SPATA31H1: variants seen among roughly 807,000 people sequenced by gnomAD.
SPATA31H1 encodes SPATA31 subfamily H member 1.
the SPATA31H1 span, chr2:27,574,587 A>G: frequency 2.5e-6 from 1 of 398,482 alleles, no homozygotes; most frequent in Non-Finnish European, 4.4e-6. Flanking sequence ...AAGGCTTCAA[A>G]GTATGAAATC....
the SPATA31H1 span, among the ~76,000 whole-genome samples, chr2:27,556,548 G>A: frequency 6.6e-6 from 1 of 151,046 alleles, no homozygotes; most frequent in Admixed American, 6.6e-5. Context: ...CTTCAGTTGT[G>A]TCTAATCTGT....
At chr2:27,561,434 C>G in the SPATA31H1 span, among the ~76,000 whole-genome samples, 3 of 152,172 alleles carry the variant, frequency 2.0e-5, no homozygotes, top group Non-Finnish European at 4.4e-5. Context: ...AGTGAATTAA[C>G]ATATCCATCA....
the SPATA31H1 span, among the ~76,000 whole-genome samples, chr2:27,539,270 G>T: frequency 2.0e-5 from 3 of 150,378 alleles, no homozygotes; most frequent in Admixed American, 6.6e-5. Flanking sequence ...CCGGCCTTCC[G>T]CAGTGTTTGT....
the SPATA31H1 span, chr2:27,581,116 G>C: frequency 6.2e-7 from 1 of 1,614,118 alleles, no homozygotes; most frequent in Admixed American, 1.7e-5. Context: ...GCCCGAGGAA[G>C]AATCCTACCT....
the SPATA31H1 span, chr2:27,577,905 G>C: frequency 1.2e-6 from 2 of 1,614,006 alleles, no homozygotes; most frequent in African/African-American, 2.7e-5. The surrounding 1 kb of genome is among the most constrained non-coding windows in gnomAD (Gnocchi z 4.5). Flanking sequence ...GCAGCACAGG[G>C]AGGTATCAAT....
the SPATA31H1 span, among the ~76,000 whole-genome samples, chr2:27,549,853 C>G: frequency 6.6e-6 from 1 of 151,814 alleles, no homozygotes; most frequent in South Asian, 2.1e-4. Context: ...GATGGGGTCT[C>G]ACTATATTGC....
chr2:27,562,770 C>T, the SPATA31H1 span, among the ~76,000 whole-genome samples: 1 of 151,040 alleles, frequency 6.6e-6, no homozygotes, highest in African/African-American at 2.4e-5. Context: ...ACATGTAGTC[C>T]CAGCTACTCA....
chr2:27,575,593 A>C, the SPATA31H1 span: 2 of 398,234 alleles, frequency 5.0e-6, no homozygotes, highest in South Asian at 2.5e-4. The surrounding 1 kb of genome is among the most constrained non-coding windows in gnomAD (Gnocchi z 4.1). Context: ...ATAAAATCTA[A>C]GGTGTTCTGC....
chr2:27,579,551 T>G, the SPATA31H1 span: 1 of 1,614,142 alleles, frequency 6.2e-7, no homozygotes, highest in African/African-American at 1.3e-5. Context: ...ACTCTGGGAC[T>G]AGAGTGAGAA....
chr2:27,559,478 T>C, the SPATA31H1 span, among the ~76,000 whole-genome samples: 1 of 152,228 alleles, frequency 6.6e-6, no homozygotes, highest in African/African-American at 2.4e-5. Flanking sequence ...GATCCCTTGA[T>C]AGGTCTCTAA....
the SPATA31H1 span, among the ~76,000 whole-genome samples, chr2:27,539,712 A>ACCTC: frequency 1.6e-5 from 1 of 62,852 alleles, no homozygotes; most frequent in African/African-American, 7.1e-5. Flanking sequence ...AGCGCCCCTC[A>ACCTC]CCTCCCGGAT....
the SPATA31H1 span, chr2:27,569,435 G>T: frequency 5.0e-6 from 2 of 398,896 alleles, no homozygotes; most frequent in South Asian, 2.6e-4. Flanking sequence ...TTTTGGAGTT[G>T]ACTCTAGGAC....
the SPATA31H1 span, among the ~76,000 whole-genome samples, chr2:27,547,979 C>CTT: frequency 0.011 from 1,207 of 113,226 alleles, 38 homozygotes; most frequent in African/African-American, 0.022. Flanking sequence ...ATAGTAATTT[C>CTT]TTTTTTTTTT....
the SPATA31H1 span, chr2:27,572,044 T>C: frequency 2.5e-6 from 1 of 398,458 alleles, no homozygotes. Context: ...GTAATGTCTT[T>C]GGAGTTAATT....
At chr2:27,558,687 C>T in the SPATA31H1 span, among the ~76,000 whole-genome samples, 6 of 34,056 alleles carry the variant, frequency 1.8e-4, no homozygotes, top group Admixed American at 2.9e-4. Flanking sequence ...TCACTCGCGG[C>T]TAGGAGCTGG....
the SPATA31H1 span, chr2:27,566,349 C>T: frequency 4.2e-6 from 3 of 717,384 alleles, no homozygotes; most frequent in Non-Finnish European, 7.8e-6. Flanking sequence ...TGGAGCGGAG[C>T]CTTCAACAGA....
At chr2:27,552,841 G>A in the SPATA31H1 span, among the ~76,000 whole-genome samples, 1 of 152,008 alleles carries the variant, frequency 6.6e-6, no homozygotes, top group Non-Finnish European at 1.5e-5. Context: ...TATTTTGGAT[G>A]CTAAAAATGG....
At chr2:27,539,116 T>C in the SPATA31H1 span, among the ~76,000 whole-genome samples, 2 of 143,788 alleles carry the variant, frequency 1.4e-5, no homozygotes. Context: ...TTTTTTTTTT[T>C]TTTTTTTTTT....
At chr2:27,551,296 T>A in the SPATA31H1 span, among the ~76,000 whole-genome samples, 1 of 152,074 alleles carries the variant, frequency 6.6e-6, no homozygotes, top group Non-Finnish European at 1.5e-5. Context: ...TCTAATATTG[T>A]CCTTATTAGA....
Sources: gnomAD v4.1 joint callset for allele counts (sites outside exome capture counted in the v4.1 genomes callset) on GRCh38, gnomAD v4.1.1 for gene constraint, Gnocchi (gnomAD v3.1) non-coding constraint, MANE v1.5 for transcripts, NCBI Gene and HGNC (gene_info 2026-07-23, HGNC 2026-07-21) for gene names.